The following BTRC variants were observed in gnomAD, a reference collection of about 807,000 sequenced individuals.
BTRC encodes the protein F-box/WD repeat-containing protein 1A.
In BTRC, 42 loss-of-function variants were observed where a neutral mutation model predicts 85.5. That is an observed-to-expected ratio of 0.49 (90% CI 0.38 to 0.64). BTRC has a LOEUF of 0.64. BTRC is among the 30% of genes least tolerant of loss of function. BTRC has a pLI of 0.00. For synonymous variants in BTRC, 255 were observed against 263.3 expected, an observed-to-expected ratio of 0.97 and a Z score of 0.30; for missense variants, 594 against 743.5, an observed-to-expected ratio of 0.80 and a Z score of 2.34.
At chr10:101,502,121 T>C (rs1482214737) in intron 4 of BTRC, among the ~76,000 whole-genome samples, 1 of 152,228 alleles carries the variant, frequency 6.6e-6, no homozygotes, top group Non-Finnish European at 1.5e-5. Context: ...AAGTGGATGC[T>C]GACAACAGCC....
At chr10:101,432,855 A>G (rs1944436610) in intron 2 of BTRC, among the ~76,000 whole-genome samples, 1 of 152,196 alleles carries the variant, frequency 6.6e-6, no homozygotes, top group Non-Finnish European at 1.5e-5. Context: ...GCAGTGTGTG[A>G]CAATACTCAC....
intron 1 of BTRC, among the ~76,000 whole-genome samples, chr10:101,367,478 T>C (rs1441054866): frequency 6.6e-6 from 1 of 152,200 alleles, no homozygotes; most frequent in African/African-American, 2.4e-5. Context: ...ATTTTTAATA[T>C]GTACAAATAA....
intron 2 of BTRC, among the ~76,000 whole-genome samples, chr10:101,435,985 C>G (rs747739441): frequency 6.6e-6 from 1 of 151,744 alleles, no homozygotes; most frequent in East Asian, 1.9e-4. Flanking sequence ...TTGGATTATT[C>G]CCAGTAGCTC....
chr10:101,409,384 T>A (rs1411843576), intron 1 of BTRC, among the ~76,000 whole-genome samples: 4 of 152,254 alleles, frequency 2.6e-5, no homozygotes, highest in Non-Finnish European at 5.9e-5. Context: ...TTAGTCATGT[T>A]ATAGCATTTA....
At chr10:101,495,520 G>A (rs1017121065) in intron 4 of BTRC, among the ~76,000 whole-genome samples, 3 of 152,208 alleles carry the variant, frequency 2.0e-5, no homozygotes, top group African/African-American at 4.8e-5. Flanking sequence ...TTAGTTAAAA[G>A]TGCTAGAGGG....
intron 3 of BTRC, among the ~76,000 whole-genome samples, chr10:101,473,446 A>C: frequency 6.8e-6 from 1 of 146,034 alleles, no homozygotes; most frequent in African/African-American, 2.6e-5. Flanking sequence ...ACTATACCCA[A>C]CTAATTTTTC....
chr10:101,388,503 T>A (rs1303631886), intron 1 of BTRC, among the ~76,000 whole-genome samples: 2 of 151,398 alleles, frequency 1.3e-5, no homozygotes, highest in Non-Finnish European at 2.9e-5. Context: ...GTTTATTGAT[T>A]GATTGAGACA....
At position 101,521,847 on chromosome 10, in the gene BTRC, G is replaced by A. The variant is rs1564823023; in HGVS notation, c.533G>A (p.Arg178Lys). Residue 178 changes from arginine (R) to lysine (K), a missense_variant, in exon 5 of 15, where the codon AGA (arginine) becomes AAA (lysine). Transcript: ENST00000370187. ...INSYLKPMLQ[R>K]DFITALPARG... is the part of the protein sequence containing the mutation. ...TCGTATCTTAAACCTATGTTGCAGAGAGATTTCATAACTGCTCTGCCAGGT... is the reference window on the plus strand; with the variant it reads ...TCGTATCTTAAACCTATGTTGCAGAAAGATTTCATAACTGCTCTGCCAGGT... 2 of 1,612,588 alleles carry A rather than the reference G, an allele frequency of 1.2e-6. No individual in the cohort carries two copies. Among genetic ancestry groups the A allele is most frequent in the African/African-American group, 2.7e-5 (2 of 74,800 alleles).
chr10:101,450,091 A>G (rs1458206688), intron 2 of BTRC, among the ~76,000 whole-genome samples: 1 of 151,324 alleles, frequency 6.6e-6, no homozygotes, highest in African/African-American at 2.4e-5. Flanking sequence ...AAAAACCTGT[A>G]AAGTTTAAAT....
intron 1 of BTRC, among the ~76,000 whole-genome samples, chr10:101,422,257 C>T (rs1456811315): frequency 6.6e-6 from 1 of 152,202 alleles, no homozygotes; most frequent in Non-Finnish European, 1.5e-5. Flanking sequence ...CTGTTGGCTG[C>T]ATAAATGTCT....
At chr10:101,357,562 C>G (rs1356311397) in intron 1 of BTRC, among the ~76,000 whole-genome samples, 1 of 151,400 alleles carries the variant, frequency 6.6e-6, no homozygotes, top group Admixed American at 6.6e-5. Flanking sequence ...TGGCTTTGTT[C>G]TGGTCTTAAC....
At position 101,416,699 on chromosome 10, in the gene BTRC, A is replaced by T. The variant is rs544820796; in HGVS notation, c.49-13646A>T. Among the ~76,000 whole-genome samples, 4 of 152,276 alleles carry T rather than the reference A, an allele frequency of 2.6e-5. No homozygotes were observed. The East Asian group carries it at 5.8e-4, about 22-fold the overall frequency. On this transcript the variant is annotated intron_variant, in intron 1 of 14. Transcript: ENST00000370187. ...CAGCATCTTACTCTCTGCGTGTAAA[A>T]TTTAGGAGTCAGGAAATGCCGTAGG...
At position 101,526,038 on chromosome 10, in the gene BTRC, G is replaced by A. The variant is rs777223538; in HGVS notation, c.582G>A (p.Glu194=). The change falls in exon 6 of 15, where the codon GAG becomes GAA. Residue 194 remains glutamate (E), a synonymous_variant. Transcript: ENST00000370187. ...CTCGGGGATTGGATCATATTGCTGAGAACATTCTGTCATACCTGGATGCCA... is the reference window on the plus strand; with the variant it reads ...CTCGGGGATTGGATCATATTGCTGAAAACATTCTGTCATACCTGGATGCCA... ...LPARGLDHIA[E]NILSYLDAKS... is the part of the protein sequence containing the mutation. 9.9e-6 allele frequency: 16 copies of A among 1,613,982 alleles called. No homozygotes were observed. The East Asian group carries it at 3.6e-4, about 36-fold the overall frequency.
At position 101,556,802 on chromosome 10, in the gene BTRC, C is replaced by T. The variant is rs1301076101; in HGVS notation, c.*3679C>T. On this transcript the variant is annotated 3_prime_UTR_variant, in exon 15 of 15. Transcript: ENST00000370187. ...GTTGAGTACCTGTGATCTAAAATGT[C>T]CTGGAGGCAGATGACATCTAAAATA... 3 of 152,202 alleles carry T rather than the reference C, an allele frequency of 2.0e-5. No individual in the cohort carries two copies. Among genetic ancestry groups the T allele is most frequent in the African/African-American group, 7.2e-5 (3 of 41,434 alleles). The allele number at this position is 152,202 out of a possible 1,614,324, so 9.4% of individuals were successfully genotyped here. A position where few individuals can be genotyped will look rare whatever the true frequency, so the allele number is the denominator to read the frequency against.
At chr10:101,368,223 T>C (rs962836287) in intron 1 of BTRC, among the ~76,000 whole-genome samples, 2 of 152,304 alleles carry the variant, frequency 1.3e-5, no homozygotes, top group African/African-American at 4.8e-5. Context: ...CTTTTCTCTC[T>C]TTTGGTTTCT....
intron 1 of BTRC, among the ~76,000 whole-genome samples, chr10:101,359,325 T>C (rs1224032554): frequency 6.6e-6 from 1 of 152,254 alleles, no homozygotes; most frequent in East Asian, 1.9e-4. Context: ...TTGTGTATAC[T>C]TTACCTATTC....
At chr10:101,466,347 A>G (rs1483316162) in intron 3 of BTRC, among the ~76,000 whole-genome samples, 1 of 152,154 alleles carries the variant, frequency 6.6e-6, no homozygotes, top group Non-Finnish European at 1.5e-5. Context: ...GTTTTTCTGT[A>G]TTCTTTCTCT....
chr10:101,507,572 G>C (rs796358602), intron 4 of BTRC, among the ~76,000 whole-genome samples: 9 of 152,286 alleles, frequency 5.9e-5, no homozygotes, highest in African/African-American at 2.2e-4. Flanking sequence ...GCAGTTTTCT[G>C]CAATTCCCTA....
At chr10:101,473,465 CTTTTTTT>C (rs869163139) in intron 3 of BTRC, among the ~76,000 whole-genome samples, 20 of 96,772 alleles carry the variant, frequency 2.1e-4, no homozygotes, top group South Asian at 3.7e-4. Context: ...TCTTTTTTCT[CTTTTTTT>C]TTTTTTTTTT....
Sources: gnomAD v4.1 joint callset for allele counts (sites outside exome capture counted in the v4.1 genomes callset) on GRCh38, gnomAD v4.1.1 for gene constraint, MANE v1.5 for transcripts, NCBI Gene and HGNC (gene_info 2026-07-23, HGNC 2026-07-21) for gene names.